The following SUPT3H variants were observed in gnomAD, a reference collection of about 807,000 sequenced individuals.
The protein encoded by SUPT3H is SPT3 homolog, SAGA and STAGA complex component, also known as transcription initiation protein SPT3 homolog.
In SUPT3H, 44 loss-of-function variants were observed where a neutral mutation model predicts 44.3. The ratio of observed to expected loss-of-function variants is 0.99; its 90% CI spans 0.78 to 1.28. SUPT3H has a LOEUF of 1.28. Among genes scored for constraint, SUPT3H ranks in the 50% most tolerant of loss-of-function variants. The probability of loss-of-function intolerance (pLI) is 0.00; values close to 1 mark genes in which losing one functional copy is unlikely to be tolerated. For synonymous variants in SUPT3H, 124 were observed against 125.6 expected (o/e 0.99, Z 0.09); for missense variants, 380 against 387.1 (o/e 0.98, Z 0.15).
intron 2 of SUPT3H, among the ~76,000 whole-genome samples, chr6:45,297,425 A>G (rs1314643440): frequency 1.3e-5 from 2 of 152,196 alleles, no homozygotes; most frequent in Non-Finnish European, 2.9e-5. Context: ...TTGTACTTCT[A>G]GATAAAATAG....
chr6:45,100,693 G>A (rs939172966), intron 3 of SUPT3H, among the ~76,000 whole-genome samples: 1 of 151,766 alleles, frequency 6.6e-6, no homozygotes, highest in Non-Finnish European at 1.5e-5. Flanking sequence ...TCAAAAACAA[G>A]GTTATAATTA....
At chr6:45,264,848 G>A (rs1562822786) in intron 2 of SUPT3H, among the ~76,000 whole-genome samples, 3 of 152,080 alleles carry the variant, frequency 2.0e-5, no homozygotes, top group Admixed American at 1.3e-4. Context: ...GTAGGGAGAC[G>A]AGCAAAATTT....
At chr6:45,158,299 T>TATATATATATATATATATATATATA (rs1491302388) in intron 2 of SUPT3H, among the ~76,000 whole-genome samples, 1 of 13,412 alleles carries the variant, frequency 7.5e-5, no homozygotes, top group African/African-American at 2.4e-4. Flanking sequence ...TATATATATA[T>TATATATATATATATATATATATATA]TTTTTTTTTT....
At chr6:44,953,440 G>A (rs1465059173) in intron 8 of SUPT3H, 23 bp from the exon 9 acceptor site, 3 of 1,583,660 alleles carry the variant, frequency 1.9e-6, no homozygotes, top group South Asian at 2.2e-5. Flanking sequence ...AAGAATGAAA[G>A]TCACATAGCT....
intron 2 of SUPT3H, among the ~76,000 whole-genome samples, chr6:45,245,271 T>C (rs1771139671): frequency 6.6e-6 from 1 of 152,156 alleles, no homozygotes; most frequent in Non-Finnish European, 1.5e-5. Context: ...AAGTGAACTT[T>C]TCTTTGTGTG....
chr6:45,147,954 C>T (rs899194762), intron 2 of SUPT3H, among the ~76,000 whole-genome samples: 1 of 151,966 alleles, frequency 6.6e-6, no homozygotes, highest in Non-Finnish European at 1.5e-5. Context: ...TTGATGATTA[C>T]AGAAAAAATT....
chr6:45,083,167 C>CATTATT (rs112983311), intron 3 of SUPT3H, among the ~76,000 whole-genome samples: 32 of 143,936 alleles, frequency 2.2e-4, no homozygotes, highest in East Asian at 1.2e-3. Context: ...ATTAAAGAAT[C>CATTATT]ATTATTATTA....
At chr6:44,948,954 T>C (rs1289454780) in intron 9 of SUPT3H, among the ~76,000 whole-genome samples, 3 of 152,198 alleles carry the variant, frequency 2.0e-5, no homozygotes, top group Non-Finnish European at 2.9e-5. Flanking sequence ...ATGTTTATTG[T>C]GGCACTATTC....
At chr6:44,890,456 G>A (rs1763093479) in intron 10 of SUPT3H, among the ~76,000 whole-genome samples, 1 of 151,962 alleles carries the variant, frequency 6.6e-6, no homozygotes, top group Non-Finnish European at 1.5e-5. Context: ...CATGTCCTTT[G>A]TAGGGACATG....
intron 2 of SUPT3H, among the ~76,000 whole-genome samples, chr6:45,249,695 A>G (rs1186248213): frequency 6.6e-6 from 1 of 152,046 alleles, no homozygotes; most frequent in Non-Finnish European, 1.5e-5. Flanking sequence ...CCCTTTTCCA[A>G]CCTCACTCAA....
At chr6:45,201,431 T>C (rs1762439101) in intron 2 of SUPT3H, among the ~76,000 whole-genome samples, 1 of 151,786 alleles carries the variant, frequency 6.6e-6, no homozygotes, top group Admixed American at 6.6e-5. Flanking sequence ...TGGAATGCGA[T>C]TATCTATAAT....
chr6:45,147,706 C>T (rs1806305718), intron 2 of SUPT3H, among the ~76,000 whole-genome samples: 1 of 151,832 alleles, frequency 6.6e-6, no homozygotes, highest in Non-Finnish European at 1.5e-5. Flanking sequence ...AGCAAGGAAA[C>T]AGCCTGATCC....
chr6:45,022,944 G>T (rs1297561785), intron 3 of SUPT3H, among the ~76,000 whole-genome samples: 2 of 151,998 alleles, frequency 1.3e-5, no homozygotes, highest in Non-Finnish European at 2.9e-5. Flanking sequence ...CTGCATATAA[G>T]TGGGACCATG....
chr6:45,024,900 C>T (rs1583128379), intron 3 of SUPT3H, among the ~76,000 whole-genome samples: 1 of 152,282 alleles, frequency 6.6e-6, no homozygotes, highest in African/African-American at 2.4e-5. Flanking sequence ...CTTTTCTGGC[C>T]TTTGGTCTCA....
At chr6:45,230,686 A>ATT (rs1554294714) in intron 2 of SUPT3H, among the ~76,000 whole-genome samples, 10 of 116,802 alleles carry the variant, frequency 8.6e-5, no homozygotes, top group South Asian at 3.1e-4. Flanking sequence ...ATATATATAT[A>ATT]TTTTTGAGAT....
chr6:44,879,867 A>T (rs183646087), intron 10 of SUPT3H, among the ~76,000 whole-genome samples: 19 of 152,316 alleles, frequency 1.2e-4, no homozygotes, highest in Admixed American at 3.3e-4. Flanking sequence ...GAACAAACAC[A>T]AAGGAATAGC....
intron 2 of SUPT3H, among the ~76,000 whole-genome samples, chr6:45,257,821 T>C (rs1449641382): frequency 6.6e-6 from 1 of 152,150 alleles, no homozygotes; most frequent in Non-Finnish European, 1.5e-5. Context: ...GACCTGAGAA[T>C]ACTCACTGGA....
chr6:45,270,575 T>C (rs369600845), intron 2 of SUPT3H, among the ~76,000 whole-genome samples: 2 of 152,168 alleles, frequency 1.3e-5, no homozygotes, highest in African/African-American at 4.8e-5. Context: ...ATTGTGAGGG[T>C]TCCTCAGCCA....
At chr6:45,290,568 C>G (rs1000867222) in intron 2 of SUPT3H, among the ~76,000 whole-genome samples, 3 of 151,660 alleles carry the variant, frequency 2.0e-5, no homozygotes, top group African/African-American at 4.8e-5. Context: ...CTTTAAACAT[C>G]AACAAAAATC....
Sources: allele counts gnomAD v4.1 joint callset (sites outside exome capture counted in the v4.1 genomes callset), GRCh38; gene constraint gnomAD v4.1.1; transcripts MANE v1.5; gene names NCBI Gene and HGNC (gene_info 2026-07-23, HGNC 2026-07-21).